Variants in MAB21L1 observed in about 807,000 individuals in gnomAD.
MAB21L1 encodes putative nucleotidyltransferase MAB21L1.
Under a neutral mutation model 28.9 loss-of-function variants are expected in MAB21L1, and 8 were observed. That is an observed-to-expected ratio of 0.28 (90% CI 0.16 to 0.50). The LOEUF (loss-of-function observed/expected upper bound fraction) is 0.50, where lower values mean the gene tolerates loss of function less well. MAB21L1 is among the 20% of genes least tolerant of loss of function. MAB21L1 has a pLI of 0.98. For synonymous variants in MAB21L1, 219 were observed against 198.2 expected (o/e 1.10, Z -0.88); for missense variants, 388 against 466.5 (o/e 0.83, Z 1.55).
rs747712618 is a variant in MAB21L1 at position 35,475,185 on chromosome 13, G to A, written c.954C>T (p.His318=). The change falls in exon 1 of 1, where the codon CAC becomes CAT. Residue 318 remains histidine (H), a synonymous_variant. Transcript: ENST00000379919. The part of the protein sequence containing the change: ...ISCLQCRRCP[H]YFLPNLDLFQ... ...ACAGATCTAAGTTCGGTAGAAAGTA[G>A]TGGGGACACCGCCGGCACTGCAGGC... 1 of 1,614,064 alleles carries A rather than the reference G, an allele frequency of 6.2e-7. No homozygotes were observed. The highest frequency in any genetic ancestry group is 8.5e-7 in the Non-Finnish European group (1 of 1,180,024).
In MAB21L1 at chr13:35,476,652, G is replaced by A; in HGVS notation, c.-514C>T. On this transcript the variant is annotated 5_prime_UTR_variant, in exon 1 of 1. In the 5' UTR this introduces an upstream ATG that the reference lacks. Transcript: ENST00000379919. ...GAGTGTGTGTCCGGGGTGAGTGTGC[G>A]TGTGTATATGTCAGAAGAAGCTGCT... 1.9e-6 allele frequency: 1 copy of A among 540,110 alleles called. No individual in the cohort carries two copies. Among genetic ancestry groups the A allele is most frequent in the African/African-American group, 1.9e-5 (1 of 51,846 alleles). The allele number at this position is 540,110 out of a possible 1,614,324, so 33.5% of individuals were successfully genotyped here.
rs2075871447 is a variant in MAB21L1 at position 35,476,354 on chromosome 13, C to CTGCT, written c.-217_-216insAGCA. 1.7e-6 allele frequency: 2 copies of CTGCT among 1,211,634 alleles called. No individual in the cohort carries two copies. The highest frequency in any genetic ancestry group is 2.0e-5 in the Admixed American group (1 of 49,706). The allele number at this position is 1,211,634 out of a possible 1,614,324, so 75.1% of individuals were successfully genotyped here. A position where few individuals can be genotyped will look rare whatever the true frequency, so the allele number is the denominator to read the frequency against. ...GCTGCTGCTGCTGCTGCTGCTGCTG[C>CTGCT]TTTTCCCTTCCTTTTATCTTTGAGC... On this transcript the variant is annotated 5_prime_UTR_variant, in exon 1 of 1. Coordinates refer to ENST00000379919, the MANE Select transcript of MAB21L1 (RefSeq NM_005584.5).
chr13:35,474,794 G>T lies in MAB21L1; in HGVS notation c.*265C>A, dbSNP rs2075790093. 9.5e-6 allele frequency: 4 copies of T among 422,472 alleles called. No individual in the cohort carries two copies. Among genetic ancestry groups the T allele is most frequent in the Non-Finnish European group, 1.7e-5 (4 of 236,458 alleles). The allele number at this position is 422,472 out of a possible 1,614,324, so 26.2% of individuals were successfully genotyped here. On this transcript the variant is annotated 3_prime_UTR_variant, in exon 1 of 1. Coordinates refer to ENST00000379919, the MANE Select transcript of MAB21L1 (RefSeq NM_005584.5). ...AGCTGGGCTGTTTACGGAGTGTTAC[G>T]GTGTACTTTTCAAGGGAGATAGGAA...
Position 35,475,456 on chromosome 13 carries a change from TCGCTCTCCGCCGAGCTCTGCTTGCCGGC to T in MAB21L1, c.655_682del (p.Ala219ThrfsTer30). 6.2e-7 allele frequency: 1 copy of T among 1,612,778 alleles called. No individual in the cohort carries two copies. Among genetic ancestry groups the T allele is most frequent in the Non-Finnish European group, 8.5e-7 (1 of 1,179,840 alleles). On this transcript the variant is annotated frameshift_variant, in exon 1 of 1. Transcript: ENST00000379919. LOFTEE classifies it high-confidence loss of function. ...CTCCGCGAACTGCAGCACCCAGGCG[TCGCTCTCCGCCGAGCTCTGCTTGCCGGC>T]CAAGGAGTGGCACTCCTTGGACAAG...
rs545198662 is a variant in MAB21L1 at position 35,474,969 on chromosome 13, C to T, written c.*90G>A. On this transcript the variant is annotated 3_prime_UTR_variant, in exon 1 of 1. Transcript: ENST00000379919. The stretch of plus-strand genomic sequence containing the variant: ...TTAAAGGAAGAGATTGTTTGCACTG[C>T]GGAGTGGAATATTAGGAATTGAACA... 3 of 1,345,850 alleles carry T rather than the reference C, an allele frequency of 2.2e-6. No homozygotes were observed. The highest frequency in any genetic ancestry group is 2.3e-5 in the East Asian group (1 of 43,260). The allele number at this position is 1,345,850 out of a possible 1,614,324, so 83.4% of individuals were successfully genotyped here. A position where few individuals can be genotyped will look rare whatever the true frequency, so the allele number is the denominator to read the frequency against.
chr13:35,476,223 C>A lies in MAB21L1; in HGVS notation c.-85G>T. ...CGGCTGCTAGAGCTGGAGCCAACTTCGGTGGAGAAACGGGCCGCAACACTC... is the reference window on the plus strand; with the variant it reads ...CGGCTGCTAGAGCTGGAGCCAACTTAGGTGGAGAAACGGGCCGCAACACTC... On this transcript the variant is annotated 5_prime_UTR_variant, in exon 1 of 1. Transcript: ENST00000379919. The A allele has an allele frequency of 6.2e-7, 1 of 1,600,070 alleles. No individual in the cohort carries two copies. Among genetic ancestry groups the A allele is most frequent in the Non-Finnish European group, 8.6e-7 (1 of 1,168,498 alleles).
chr13:35,475,972 A>G lies in MAB21L1; in HGVS notation c.167T>C (p.Leu56Pro), dbSNP rs745461997. The change falls in exon 1 of 1, where the codon CTC (leucine) becomes CCC (proline). Residue 56 changes from leucine to proline, a missense_variant. Around this residue, in one of 3 missense-constraint regions of MAB21L1, gnomAD observed 89 missense variants for 92.2 expected, o/e 0.97. Coordinates refer to ENST00000379919, the MANE Select transcript of MAB21L1 (RefSeq NM_005584.5). ...CTCGTAGCGATTGTCCATCTCGTTGAGAGAGCTGATGAACCGCGGCTCCTG... is the reference window on the plus strand; with the variant it reads ...CTCGTAGCGATTGTCCATCTCGTTGGGAGAGCTGATGAACCGCGGCTCCTG... ...EVQEPRFISS[L>P]NEMDNRYEGL... 1 of 1,614,172 alleles carries G rather than the reference A, an allele frequency of 6.2e-7. No homozygotes were observed. Among genetic ancestry groups the G allele is most frequent in the Non-Finnish European group, 8.5e-7 (1 of 1,180,038 alleles).
rs1384950799 is a variant in MAB21L1 at position 35,476,075 on chromosome 13, C to A, written c.64G>T (p.Ala22Ser). 6 of 1,614,190 alleles carry A rather than the reference C, an allele frequency of 3.7e-6. No homozygotes were observed. ...LNKYYNEKCQ[A>S]RKAAIAKTIR... ...GTTTTGGCAATGGCAGCTTTCCTGG[C>A]TTGGCATTTTTCGTTGTAGTATTTA... Residue 22 changes from alanine (A) to serine (S), a missense_variant, in exon 1 of 1, where the codon GCC becomes TCC. Physicochemically the swap from Ala to Ser is moderately conservative, Grantham distance 99 (BLOSUM62 1). This residue lies in a region of MAB21L1 where 89 missense variants were observed against 92.2 expected (regional missense o/e 0.97). Transcript: ENST00000379919.
rs1342707251 is a variant in MAB21L1, at chr13:35,476,196, T to G, written c.-58A>C. On this transcript the variant is annotated 5_prime_UTR_variant, in exon 1 of 1. Transcript: ENST00000379919. ...TCTCGCAGTAAGCTGTGGGATCCAA[T>G]GCGGCTGCTAGAGCTGGAGCCAACT... is the stretch of plus-strand genomic sequence containing the variant. 6.2e-7 allele frequency: 1 copy of G among 1,611,024 alleles called. No homozygotes were observed. Among genetic ancestry groups the G allele is most frequent in the East Asian group, 2.2e-5 (1 of 44,860 alleles).
Position 35,475,218 on chromosome 13 carries a change from A to G in MAB21L1, c.921T>C (p.Leu307=), listed in dbSNP as rs772821968. The change falls in exon 1 of 1, where the codon CTT becomes CTC. Residue 307 remains leucine (L), a synonymous_variant. Transcript: ENST00000379919. ...ACCGCCGGCACTGCAGGCAGGAGATAAGTTGCAGCAAAATCCCGTTCAGCC... is the reference window on the plus strand; with the variant it reads ...ACCGCCGGCACTGCAGGCAGGAGATGAGTTGCAGCAAAATCCCGTTCAGCC... ...GDRLNGILLQ[L]ISCLQCRRCP... 2 of 1,613,962 alleles carry G rather than the reference A, an allele frequency of 1.2e-6. No individual in the cohort carries two copies. Among genetic ancestry groups the G allele is most frequent in the Admixed American group, 1.7e-5 (1 of 60,008 alleles).
Position 35,475,503 on chromosome 13 carries a change from G to C in MAB21L1, c.636C>G (p.Ser212=), listed in dbSNP as rs763469679. Residue 212 remains serine (S), a synonymous_variant, in exon 1 of 1, where the codon TCC becomes TCG. Coordinates refer to ENST00000379919, the MANE Select transcript of MAB21L1 (RefSeq NM_005584.5). ...EVKAEGFNLL[S]KECHSLAGKQ... is the part of the protein sequence containing the mutation. ...TGCCGGCCAAGGAGTGGCACTCCTTGGACAAGAGATTGAAACCTTCCGCCT... is the reference window on the plus strand; with the variant it reads ...TGCCGGCCAAGGAGTGGCACTCCTTCGACAAGAGATTGAAACCTTCCGCCT... 6 of 1,612,228 alleles carry C rather than the reference G, an allele frequency of 3.7e-6. No homozygotes were observed. In the Admixed American group the frequency reaches 8.3e-5, roughly 22 times the overall value.
rs770384860 is a variant in MAB21L1, at chr13:35,475,963, A to G, written c.176T>C (p.Met59Thr). The change falls in exon 1 of 1, where the codon ATG becomes ACG. Residue 59 changes from methionine to threonine, a missense_variant. By Grantham distance (81) the Met-to-Thr change is moderately conservative. Around this residue, in one of 3 missense-constraint regions of MAB21L1, gnomAD observed 89 missense variants for 92.2 expected, o/e 0.97. Coordinates refer to ENST00000379919, the MANE Select transcript of MAB21L1 (RefSeq NM_005584.5). ...CTCGAGGCCCTCGTAGCGATTGTCCATCTCGTTGAGAGAGCTGATGAACCG... is the reference window on the plus strand; with the variant it reads ...CTCGAGGCCCTCGTAGCGATTGTCCGTCTCGTTGAGAGAGCTGATGAACCG... ...EPRFISSLNEMDNRYEGLEVI... is the reference protein window; with the variant it reads ...EPRFISSLNETDNRYEGLEVI... 7 of 1,614,170 alleles carry G rather than the reference A, an allele frequency of 4.3e-6. No individual in the cohort carries two copies. Among genetic ancestry groups the G allele is most frequent in the Admixed American group, 1.7e-5 (1 of 60,022 alleles).
chr13:35,475,019 T>A lies in MAB21L1; in HGVS notation c.*40A>T. On this transcript the variant is annotated 3_prime_UTR_variant, in exon 1 of 1. Transcript: ENST00000379919. ...AGAAGTTTACACTTAATAAGGACTT[T>A]GAGAAGGGTAATAATTTCGGCTCTT... The A allele has an allele frequency of 6.3e-7, 1 of 1,582,500 alleles. No homozygotes were observed. Among genetic ancestry groups the A allele is most frequent in the Non-Finnish European group, 8.6e-7 (1 of 1,163,210 alleles).
In MAB21L1 at chr13:35,475,868, C is replaced by A; in HGVS notation, c.271G>T (p.Asp91Tyr). 6.2e-7 allele frequency: 1 copy of A among 1,614,046 alleles called. No individual in the cohort carries two copies. Among genetic ancestry groups the A allele is most frequent in the Non-Finnish European group, 8.5e-7 (1 of 1,180,022 alleles). Residue 91 changes from aspartate to tyrosine, a missense_variant, in exon 1 of 1, where the codon GAT becomes TAT. This residue lies in a region of MAB21L1 where 81 missense variants were observed against 153.7 expected (regional missense o/e 0.53). Transcript: ENST00000379919. ...NQMGVFNFVD[D>Y]GSLPGCAVLK... The stretch of plus-strand genomic sequence containing the variant: ...ACCGCGCAGCCGGGCAGTGAGCCAT[C>A]GTCCACGAAGTTGAACACCCCCATT...
At position 35,475,462 on chromosome 13, in the gene MAB21L1, TC is replaced by T; in HGVS notation, c.676del (p.Glu226ArgfsTer32). On this transcript the variant is annotated frameshift_variant, in exon 1 of 1. Transcript: ENST00000379919. LOFTEE classifies it high-confidence loss of function. ...GAACTGCAGCACCCAGGCGTCGCTC[TC>T]CGCCGAGCTCTGCTTGCCGGCCAAG... ...HSLAGKQSSAESDAWVLQFAE... is the reference protein window; with the variant it reads ...HSLAGKQSSAXSDAWVLQFAE... The T allele has an allele frequency of 6.2e-7, 1 of 1,612,560 alleles. No homozygotes were observed. Among genetic ancestry groups the T allele is most frequent in the South Asian group, 1.1e-5 (1 of 90,980 alleles).
rs2075815234 is a variant in MAB21L1, at chr13:35,475,341, G to T, written c.798C>A (p.Gly266=). The T allele has an allele frequency of 6.2e-7, 1 of 1,614,012 alleles. No homozygotes were observed. The highest frequency in any genetic ancestry group is 1.7e-5 in the Admixed American group (1 of 60,008). The change falls in exon 1 of 1, where the codon GGC becomes GGA. Residue 266 remains glycine, a synonymous_variant. Transcript: ENST00000379919. ...TLRDRHLELP[G]QPLNNYHMKT... ...TCATATGGTAATTGTTCAAGGGCTG[G>T]CCCGGCAGTTCAAGGTGACGATCCC...
rs2075771256 is a variant in MAB21L1 at position 35,474,272 on chromosome 13, AAAGT to A, written c.*783_*786del. ...GCAACAAATTAAAATCTAAATCACAAAAGTAATTATCCAGTGTATTTCAAGTGCA... is the reference window on the plus strand; with the variant it reads ...GCAACAAATTAAAATCTAAATCACAAAATTATCCAGTGTATTTCAAGTGCA... On this transcript the variant is annotated 3_prime_UTR_variant, in exon 1 of 1. Coordinates refer to ENST00000379919, the MANE Select transcript of MAB21L1 (RefSeq NM_005584.5). 1 of 152,648 alleles carries A rather than the reference AAAGT, an allele frequency of 6.6e-6. No individual in the cohort carries two copies. Among genetic ancestry groups the A allele is most frequent in the Non-Finnish European group, 1.5e-5 (1 of 68,030 alleles). 9.5% of individuals were successfully genotyped at this position (152,648 alleles called of 1,614,324 possible).
In MAB21L1 at chr13:35,475,388, G is replaced by A; in HGVS notation, c.751C>T (p.Leu251Phe). The change falls in exon 1 of 1, where the codon CTC becomes TTC. Residue 251 changes from leucine to phenylalanine, a missense_variant. By Grantham distance (22) the Leu-to-Phe change is conservative (BLOSUM62 0). Coordinates refer to ENST00000379919, the MANE Select transcript of MAB21L1 (RefSeq NM_005584.5). ...TCCCTTAAGGTTTTGAGGATGGAGA[G>A]GCACTTCTTTCTGCAGCCCCCCATC... is the stretch of plus-strand genomic sequence containing the variant. ...LQMGGCRKKC[L>F]SILKTLRDRH... 6.2e-7 allele frequency: 1 copy of A among 1,613,810 alleles called. No homozygotes were observed. Among genetic ancestry groups the A allele is most frequent in the Non-Finnish European group, 8.5e-7 (1 of 1,179,978 alleles).
Position 35,475,006 on chromosome 13 carries a change from T to C in MAB21L1, c.*53A>G, listed in dbSNP as rs1019654204. On this transcript the variant is annotated 3_prime_UTR_variant, in exon 1 of 1. Coordinates refer to ENST00000379919, the MANE Select transcript of MAB21L1 (RefSeq NM_005584.5). ...TTAGGAATTGAACAGAAGTTTACAC[T>C]TAATAAGGACTTTGAGAAGGGTAAT... 1.0e-5 allele frequency: 16 copies of C among 1,561,724 alleles called. No individual in the cohort carries two copies. The Admixed American group carries it at 1.5e-4, about 14-fold the overall frequency.
Sources: allele counts gnomAD v4.1 joint callset, GRCh38; gene constraint gnomAD v4.1.1; regional missense constraint gnomAD v4.1.1; transcripts MANE v1.5; gene names NCBI Gene and HGNC (gene_info 2026-07-23, HGNC 2026-07-21).